The following PTPRD variants were observed in gnomAD, a reference collection of about 807,000 sequenced individuals.
PTPRD encodes protein tyrosine phosphatase receptor type D, also known as receptor-type tyrosine-protein phosphatase delta.
Under a neutral mutation model 214.5 loss-of-function variants are expected in PTPRD, and 34 were observed. The observed-to-expected ratio is 0.16, with a 90% CI of 0.12 to 0.21. The LOEUF is 0.21. PTPRD is among the 10% of genes least tolerant of loss of function. The probability of loss-of-function intolerance (pLI) is 1.00; values close to 1 mark genes in which losing one functional copy is unlikely to be tolerated. For synonymous variants in PTPRD, 1,128 were observed against 845.7 expected, an observed-to-expected ratio of 1.33 and a Z score of -5.79; for missense variants, 2,545 against 2,398.7, an observed-to-expected ratio of 1.06 and a Z score of -1.27.
At chr9:9,253,441 A>G (rs1336949027) in intron 9 of PTPRD, among the ~76,000 whole-genome samples, 2 of 152,216 alleles carry the variant, frequency 1.3e-5, no homozygotes, top group South Asian at 2.1e-4. Context: ...AGCTACTAAC[A>G]AAAGTTGGCA....
intron 3 of PTPRD, among the ~76,000 whole-genome samples, chr9:10,149,092 G>C (rs910629533): frequency 3.3e-5 from 5 of 152,136 alleles, no homozygotes; most frequent in African/African-American, 9.7e-5. Flanking sequence ...ATGAAGCAGA[G>C]CTCTCTCCAT....
chr9:8,650,204 C>T (rs941488170), intron 12 of PTPRD, among the ~76,000 whole-genome samples: 2 of 151,942 alleles, frequency 1.3e-5, no homozygotes, highest in African/African-American at 4.8e-5. Flanking sequence ...AGGCATGAGC[C>T]CACACTCAGC....
intron 2 of PTPRD, among the ~76,000 whole-genome samples, chr9:10,456,096 C>A (rs2098915041): frequency 6.6e-6 from 1 of 151,776 alleles, no homozygotes; most frequent in South Asian, 2.1e-4. Context: ...AGATGAAATA[C>A]ACAGATAGTT....
intron 7 of PTPRD, among the ~76,000 whole-genome samples, chr9:9,718,704 C>A (rs934860873): frequency 1.3e-5 from 2 of 152,232 alleles, no homozygotes; most frequent in Admixed American, 1.3e-4. Flanking sequence ...GCTGTTGTGA[C>A]CTGGTCAGGT....
chr9:9,261,310 C>A (rs571525990), intron 9 of PTPRD, among the ~76,000 whole-genome samples: 1 of 151,760 alleles, frequency 6.6e-6, no homozygotes, highest in Non-Finnish European at 1.5e-5. Context: ...TGGGACCACA[C>A]GTTAAAATAC....
intron 7 of PTPRD, among the ~76,000 whole-genome samples, chr9:9,579,914 A>G (rs1186872919): frequency 6.6e-6 from 1 of 152,056 alleles, no homozygotes; most frequent in Admixed American, 6.6e-5. Context: ...CCATATGAAC[A>G]TATTATTTAG....
In PTPRD at chr9:10,285,537, G is replaced by A. The variant is rs190241074; in HGVS notation, c.-545+55426C>T. 1.5e-3 allele frequency among the ~76,000 whole-genome samples: 229 copies of A among 150,130 alleles called. 1 individual carries two copies. Among genetic ancestry groups the A allele is most frequent in the African/African-American group, 5.5e-3 (225 of 40,758 alleles). On this transcript the variant is annotated intron_variant, in intron 3 of 45. Coordinates refer to ENST00000381196, the MANE Select transcript of PTPRD (RefSeq NM_002839.4). ...CCTTTGAAGCAAGGCTGCTTGGGTT[G>A]AACCCCAGTGCCATCACTAACCAGT...
intron 11 of PTPRD, among the ~76,000 whole-genome samples, chr9:8,778,714 G>A (rs2095579583): frequency 6.6e-6 from 1 of 152,134 alleles, no homozygotes; most frequent in Non-Finnish European, 1.5e-5. Flanking sequence ...CAGTAATACT[G>A]AAACTAGGAG....
At position 8,668,828 on chromosome 9, in the gene PTPRD, G is replaced by T. The variant is rs559406274; in HGVS notation, c.65-31984C>A. Among the ~76,000 whole-genome samples the T allele has an allele frequency of 5.3e-5, 8 of 152,266 alleles. No individual in the cohort carries two copies. In the South Asian group the frequency reaches 1.7e-3, roughly 32 times the overall value. On this transcript the variant is annotated intron_variant, in intron 12 of 45. Coordinates refer to ENST00000381196, the MANE Select transcript of PTPRD (RefSeq NM_002839.4). ...TACAATCTGAAATTGAGAACAAAAA[G>T]TGCAAAGTATTCCAAAAGTTAGAGA...
At chr9:10,026,827 C>A (rs1589203880) in intron 4 of PTPRD, among the ~76,000 whole-genome samples, 1 of 151,054 alleles carries the variant, frequency 6.6e-6, no homozygotes, top group South Asian at 2.1e-4. Flanking sequence ...AAGTTGCGGT[C>A]TCACAAGCAA....
At chr9:10,064,415 A>G (rs2154172509) in intron 3 of PTPRD, among the ~76,000 whole-genome samples, 1 of 152,116 alleles carries the variant, frequency 6.6e-6, no homozygotes, top group Non-Finnish European at 1.5e-5. Context: ...TCAAATCTAT[A>G]TAGGCTTCCT....
chr9:9,762,833 T>C (rs931990623), intron 6 of PTPRD, among the ~76,000 whole-genome samples: 1 of 152,238 alleles, frequency 6.6e-6, no homozygotes, highest in African/African-American at 2.4e-5. Context: ...TTTGTCTTAA[T>C]CAGCTGGGTT....
intron 9 of PTPRD, among the ~76,000 whole-genome samples, chr9:9,333,329 G>T (rs1043892638): frequency 5.9e-5 from 9 of 151,472 alleles, no homozygotes; most frequent in Non-Finnish European, 1.3e-4. Context: ...AAAGTCCATG[G>T]AGCAAAGAAT....
chr9:9,571,677 T>A (rs1444674118), intron 8 of PTPRD, among the ~76,000 whole-genome samples: 2 of 151,086 alleles, frequency 1.3e-5, no homozygotes, highest in Admixed American at 1.3e-4. Context: ...TGTGGCCACA[T>A]AACTAATTGT....
chr9:9,455,245 T>C (rs960219680), intron 8 of PTPRD, among the ~76,000 whole-genome samples: 2 of 151,594 alleles, frequency 1.3e-5, no homozygotes, highest in South Asian at 2.1e-4. Context: ...GAGATGTAGA[T>C]GGGAAAATGA....
At chr9:8,381,100 T>C (rs2084923425) in intron 37 of PTPRD, among the ~76,000 whole-genome samples, 2 of 152,156 alleles carry the variant, frequency 1.3e-5, no homozygotes. Flanking sequence ...ATACCATAAC[T>C]ATTGCTAAAA....
chr9:9,668,526 T>C (rs1350225800), intron 7 of PTPRD, among the ~76,000 whole-genome samples: 1 of 152,136 alleles, frequency 6.6e-6, no homozygotes, highest in African/African-American at 2.4e-5. Context: ...CAATTAAGTT[T>C]TGATTGGCCA....
At chr9:8,956,790 A>C (rs1347385211) in intron 11 of PTPRD, among the ~76,000 whole-genome samples, 1 of 151,890 alleles carries the variant, frequency 6.6e-6, no homozygotes. Context: ...TTTCACAGAA[A>C]CTGAACCCAC....
At chr9:9,615,299 T>C (rs1325524479) in intron 7 of PTPRD, among the ~76,000 whole-genome samples, 1 of 152,082 alleles carries the variant, frequency 6.6e-6, no homozygotes, top group African/African-American at 2.4e-5. Context: ...CTGGACTACC[T>C]TGCACTTCAC....
Sources: allele counts gnomAD v4.1 joint callset (sites outside exome capture counted in the v4.1 genomes callset), GRCh38; gene constraint gnomAD v4.1.1; transcripts MANE v1.5; gene names NCBI Gene and HGNC (gene_info 2026-07-23, HGNC 2026-07-21).